The following REDIC1 variants were observed in gnomAD, a reference collection of about 807,000 sequenced individuals.
REDIC1 encodes the protein HEI10 Interacting Protein 1.
At chr12:39,711,885 GTA>G in the REDIC1 span, among the ~76,000 whole-genome samples, 14 of 30,336 alleles carry the variant, frequency 4.6e-4, no homozygotes, top group Admixed American at 9.6e-4. Context: ...ACATGCATGT[GTA>G]TGTGTATACA....
chr12:39,715,490 G>A, the REDIC1 span, among the ~76,000 whole-genome samples: 1 of 151,762 alleles, frequency 6.6e-6, no homozygotes, highest in Non-Finnish European at 1.5e-5. Flanking sequence ...TTTTGAAAAT[G>A]ACCATACTGC....
the REDIC1 span, among the ~76,000 whole-genome samples, chr12:39,767,688 T>C: frequency 2.6e-5 from 4 of 152,092 alleles, no homozygotes; most frequent in Non-Finnish European, 4.4e-5. Context: ...AATCTCATTT[T>C]GAATTGTAGT....
the REDIC1 span, chr12:39,650,195 G>A: frequency 5.1e-5 from 76 of 1,487,922 alleles, no homozygotes; most frequent in Admixed American, 3.0e-4. The surrounding 1 kb of genome is among the most constrained non-coding windows in gnomAD (Gnocchi z 4.3). Flanking sequence ...TTGTATATAT[G>A]TACATTTACT....
chr12:39,731,396 C>G, the REDIC1 span, among the ~76,000 whole-genome samples: 2 of 152,206 alleles, frequency 1.3e-5, no homozygotes, highest in South Asian at 2.1e-4. Context: ...TTAGTTCCTT[C>G]TAACAGGCCC....
At chr12:39,712,746 T>C in the REDIC1 span, among the ~76,000 whole-genome samples, 1 of 117,062 alleles carries the variant, frequency 8.5e-6, no homozygotes, top group African/African-American at 5.6e-5. Context: ...TATAGACGTG[T>C]ACACATATGT....
the REDIC1 span, among the ~76,000 whole-genome samples, chr12:39,900,940 A>C: frequency 6.6e-6 from 1 of 152,182 alleles, no homozygotes; most frequent in Admixed American, 6.5e-5. Flanking sequence ...TTCAAACTAT[A>C]CCACAAGGCA....
the REDIC1 span, among the ~76,000 whole-genome samples, chr12:39,714,570 G>A: frequency 1.3e-5 from 2 of 151,558 alleles, no homozygotes; most frequent in African/African-American, 2.4e-5. Context: ...TTTCCTCTGG[G>A]TGGATACCCA....
chr12:39,739,617 T>C, the REDIC1 span, among the ~76,000 whole-genome samples: 1 of 152,208 alleles, frequency 6.6e-6, no homozygotes, highest in Non-Finnish European at 1.5e-5. Flanking sequence ...ACTTCAAATA[T>C]TATAAGTCAC....
the REDIC1 span, among the ~76,000 whole-genome samples, chr12:39,711,356 T>C: frequency 6.8e-6 from 1 of 147,332 alleles, no homozygotes; most frequent in Non-Finnish European, 1.5e-5. Flanking sequence ...TATATGTATA[T>C]ATACATATAT....
chr12:39,789,825 C>T, the REDIC1 span, among the ~76,000 whole-genome samples: 1 of 151,996 alleles, frequency 6.6e-6, no homozygotes, highest in Non-Finnish European at 1.5e-5. Context: ...ATTTATTGGC[C>T]ATTTGGGTAT....
the REDIC1 span, among the ~76,000 whole-genome samples, chr12:39,880,474 T>C: frequency 6.6e-6 from 1 of 152,156 alleles, no homozygotes; most frequent in African/African-American, 2.4e-5. Context: ...GAAATCACAA[T>C]TGCACATATT....
chr12:39,687,169 C>T, the REDIC1 span, among the ~76,000 whole-genome samples: 18 of 152,292 alleles, frequency 1.2e-4, 1 homozygote, highest in South Asian at 3.7e-3. Context: ...GAGCCTGCCA[C>T]ACTCTTCCAA....
chr12:39,721,155 A>C, the REDIC1 span: 1 of 1,613,702 alleles, frequency 6.2e-7, no homozygotes, highest in East Asian at 2.2e-5. Context: ...CAAAATGTAC[A>C]TGTAGAAGTG....
At chr12:39,852,583 T>C in the REDIC1 span, among the ~76,000 whole-genome samples, 1 of 152,094 alleles carries the variant, frequency 6.6e-6, no homozygotes, top group Non-Finnish European at 1.5e-5. Flanking sequence ...AATATCTAGG[T>C]GAAGAAGAAG....
At chr12:39,648,502 CATT>C in the REDIC1 span, among the ~76,000 whole-genome samples, 3 of 151,538 alleles carry the variant, frequency 2.0e-5, no homozygotes, top group South Asian at 6.2e-4. Flanking sequence ...GTTGTTCAAT[CATT>C]GTGTGCTCTA....
chr12:39,629,142 TG>T, the REDIC1 span, among the ~76,000 whole-genome samples: 1 of 152,214 alleles, frequency 6.6e-6, no homozygotes, highest in East Asian at 1.9e-4. Context: ...AATCGAACAC[TG>T]GTTCTTAAAA....
At chr12:39,776,359 C>G in the REDIC1 span, among the ~76,000 whole-genome samples, 3 of 152,292 alleles carry the variant, frequency 2.0e-5, no homozygotes, top group African/African-American at 7.2e-5. Context: ...TGGTAGTGCT[C>G]CCCTGCAAAA....
the REDIC1 span, among the ~76,000 whole-genome samples, chr12:39,737,112 A>G: frequency 2.0e-5 from 3 of 152,200 alleles, no homozygotes; most frequent in Admixed American, 6.5e-5. Flanking sequence ...TTTAATATAT[A>G]TGGCTCCAAA....
At chr12:39,701,137 T>G in the REDIC1 span, among the ~76,000 whole-genome samples, 4 of 151,934 alleles carry the variant, frequency 2.6e-5, no homozygotes, top group Admixed American at 6.6e-5. Flanking sequence ...AAGACACAGA[T>G]TGGCAAATTG....
Sources: gnomAD v4.1 joint callset for allele counts (sites outside exome capture counted in the v4.1 genomes callset) on GRCh38, gnomAD v4.1.1 for gene constraint, Gnocchi (gnomAD v3.1) non-coding constraint, MANE v1.5 for transcripts, NCBI Gene and HGNC (gene_info 2026-07-23, HGNC 2026-07-21) for gene names.